The following ASB14 variants were observed in gnomAD, a reference collection of about 807,000 sequenced individuals.
The protein encoded by ASB14 is ankyrin repeat and SOCS box protein 14.
In ASB14, 63 loss-of-function variants were observed where a neutral mutation model predicts 55.6. The observed-to-expected ratio is 1.13, with a 90% CI of 0.92 to 1.40. The LOEUF is 1.40. Among genes scored for constraint, ASB14 ranks in the 40% most tolerant of loss-of-function variants. ASB14 has a pLI of 0.00. For missense variants in ASB14, 724 were observed against 710.4 expected (o/e 1.02, Z -0.22); for synonymous variants, 256 against 259.9 (o/e 0.98, Z 0.15).
chr3:57,283,477 AAG>A, intron 5 of ASB14, 38 bp from the exon 6 acceptor site: 1 of 1,535,698 alleles, frequency 6.5e-7, no homozygotes, highest in Admixed American at 2.0e-5. Flanking sequence ...GTTCAACGGG[AAG>A]TTAAGCCCAA....
At chr3:57,276,063 T>C (rs1220092671) in intron 10 of ASB14, among the ~76,000 whole-genome samples, 3 of 152,172 alleles carry the variant, frequency 2.0e-5, no homozygotes, top group Admixed American at 2.0e-4. Context: ...TACTGTATTA[T>C]ATATACTTCT....
chr3:57,291,737 A>G (rs1447854722), intron 2 of ASB14, among the ~76,000 whole-genome samples, 175 bp downstream of exon 2: 1 of 152,180 alleles, frequency 6.6e-6, no homozygotes, highest in Non-Finnish European at 1.5e-5. Flanking sequence ...TAAATTCTGA[A>G]TTATTTCCAG....
chr3:57,269,823 A>T (rs779803591), intron 10 of ASB14: 390 of 992,760 alleles, frequency 3.9e-4, no homozygotes, highest in Non-Finnish European at 5.2e-4. Context: ...GCTACATTTT[A>T]AAAAAAAGAT....
At chr3:57,278,118 T>G (rs1282642389) in intron 8 of ASB14, among the ~76,000 whole-genome samples, 198 bp from the exon 9 acceptor site, 1 of 152,180 alleles carries the variant, frequency 6.6e-6, no homozygotes, top group African/African-American at 2.4e-5. Context: ...AATAAATCAT[T>G]TAATCAGTTG....
intron 8 of ASB14, 139 bp downstream of exon 8, chr3:57,278,238 A>G (rs946075847): frequency 3.0e-6 from 2 of 659,302 alleles, no homozygotes; most frequent in Non-Finnish European, 5.0e-6. Flanking sequence ...TTTTATCATA[A>G]TTATTTTATC....
chr3:57,284,751 C>T (rs1436419070), intron 5 of ASB14, among the ~76,000 whole-genome samples: 1 of 152,138 alleles, frequency 6.6e-6, no homozygotes, highest in Non-Finnish European at 1.5e-5. Flanking sequence ...TTAGATCTGA[C>T]CCAGAGTTCT....
In ASB14 at chr3:57,292,019, G is replaced by T; in HGVS notation, c.15C>A (p.Thr5=). 1 of 1,533,130 alleles carries T rather than the reference G, an allele frequency of 6.5e-7. No individual in the cohort carries two copies. Among genetic ancestry groups the T allele is most frequent in the Non-Finnish European group, 8.7e-7 (1 of 1,143,456 alleles). The allele number at this position is 1,533,130 out of a possible 1,614,324, so 95.0% of individuals were successfully genotyped here. A position where few individuals can be genotyped will look rare whatever the true frequency, so the allele number is the denominator to read the frequency against. ...AGTCTTCATCTATGTCTTCATCGCT[G>T]GTGTAATTATCCATGTGAAACGTGG... The part of the protein sequence containing the change: MDNY[T]SDEDIDEDFD... Residue 5 remains threonine, a synonymous_variant, in exon 2 of 11, where the codon ACC becomes ACA. Coordinates refer to ENST00000487349, the MANE Select transcript of ASB14 (RefSeq NM_001142733.3).
In ASB14 at chr3:57,283,253, G is replaced by T. The variant is rs754381384; in HGVS notation, c.656C>A (p.Pro219His). 9 of 1,552,056 alleles carry T rather than the reference G, an allele frequency of 5.8e-6. No individual in the cohort carries two copies. Among genetic ancestry groups the T allele is most frequent in the Non-Finnish European group, 7.8e-6 (9 of 1,147,006 alleles). Residue 219 changes from proline (P) to histidine (H), a missense_variant, in exon 6 of 11, where the codon CCT (proline) becomes CAT (histidine). Transcript: ENST00000487349. The stretch of plus-strand genomic sequence containing the variant: ...TCCACTTTGGGCAGCAAGAGCAAGA[G>T]GAGTGAATCCATACGTGCTCTGTGG... ...PDPQSTYGFT[P>H]LALAAQSGHT... is the part of the protein sequence containing the mutation.
intron 7 of ASB14, 135 bp from the exon 8 acceptor site, chr3:57,279,055 G>C: frequency 1.3e-6 from 1 of 763,624 alleles, no homozygotes; most frequent in South Asian, 1.9e-5. Context: ...AAAAAAAAAA[G>C]CATAATTCCT....
chr3:57,280,557 C>A, intron 6 of ASB14, 84 bp from the exon 7 acceptor site: 1 of 1,278,676 alleles, frequency 7.8e-7, no homozygotes, highest in Non-Finnish European at 1.1e-6. Context: ...TCCCCATCAC[C>A]AAAAAGCAAT....
At chr3:57,278,300 T>A in intron 8 of ASB14, 77 bp downstream of exon 8, 1 of 1,155,204 alleles carries the variant, frequency 8.7e-7, no homozygotes, top group Non-Finnish European at 1.3e-6. Flanking sequence ...AGAGAGTGGA[T>A]GTAATCTATT....
chr3:57,282,035 A>G (rs1031158944), intron 6 of ASB14, among the ~76,000 whole-genome samples: 4 of 152,242 alleles, frequency 2.6e-5, no homozygotes, highest in African/African-American at 7.2e-5. Context: ...TATTTTAATC[A>G]ATGATCTATA....
At chr3:57,278,965 G>A in intron 7 of ASB14, 45 bp from the exon 8 acceptor site, 3 of 1,568,352 alleles carry the variant, frequency 1.9e-6, no homozygotes, top group Non-Finnish European at 2.6e-6. Context: ...TTTTTAAGAT[G>A]TAGCACTAAC....
Position 57,277,903 on chromosome 3 carries a change from A to G in ASB14, c.1449T>C (p.Thr483=). ...CAGAGAGATGTTGCAGCCATGACAA[A>G]GTTATTACTTCACAGAACTGAGGGA... is the stretch of plus-strand genomic sequence containing the variant. ...IKDTKFCEVI[T]LSWLQHLSGK... The change falls in exon 9 of 11, where the codon ACT becomes ACC. Residue 483 remains threonine, a synonymous_variant. Coordinates refer to ENST00000487349, the MANE Select transcript of ASB14 (RefSeq NM_001142733.3). The G allele has an allele frequency of 6.2e-7, 1 of 1,612,366 alleles. No homozygotes were observed. Among genetic ancestry groups the G allele is most frequent in the Non-Finnish European group, 8.5e-7 (1 of 1,179,476 alleles).
chr3:57,277,808 A>AGCACAGC lies in ASB14; in HGVS notation c.1537_1543dup (p.Leu515ArgfsTer81). 4 of 1,613,220 alleles carry AGCACAGC rather than the reference A, an allele frequency of 2.5e-6. No individual in the cohort carries two copies. Among genetic ancestry groups the AGCACAGC allele is most frequent in the Non-Finnish European group, 3.4e-6 (4 of 1,179,746 alleles). ...TTCTGACCAGATCCCCTGTTTTTGG[A>AGCACAGC]GCACAGCTTTCAACTTTGAACAGAT... On this transcript the variant is annotated frameshift_variant, in exon 9 of 11. Transcript: ENST00000487349. LOFTEE classifies it high-confidence loss of function.
Position 57,280,415 on chromosome 3 carries a change from A to G in ASB14, c.774T>C (p.Ser258=). The change falls in exon 7 of 11, where the codon AGT becomes AGC. Residue 258 remains serine, a synonymous_variant. Transcript: ENST00000487349. ...DSSSILLEAA[S]GGNPDAVALL... The stretch of plus-strand genomic sequence containing the variant: ...GAGCCACAGCATCTGGATTTCCTCC[A>G]CTTGCGGCTTCAAGTAAGATGGAAG... 1 of 1,551,534 alleles carries G rather than the reference A, an allele frequency of 6.4e-7. No individual in the cohort carries two copies.
chr3:57,268,500 A>T lies in ASB14; in HGVS notation c.*1141T>A. The T allele has an allele frequency of 6.3e-7, 1 of 1,580,372 alleles. No homozygotes were observed. Among genetic ancestry groups the T allele is most frequent in the South Asian group, 1.2e-5 (1 of 85,308 alleles). On this transcript the variant is annotated 3_prime_UTR_variant, in exon 11 of 11. Coordinates refer to ENST00000487349, the MANE Select transcript of ASB14 (RefSeq NM_001142733.3). ...ACAGATTGAAAAGGTATACAGTCCT[A>T]ATGTCTGGATCTTTATGTGTTGTTT... is the stretch of plus-strand genomic sequence containing the variant.
At chr3:57,278,019 A>G in intron 8 of ASB14, 99 bp from the exon 9 acceptor site, 3 of 1,115,800 alleles carry the variant, frequency 2.7e-6, no homozygotes, top group Non-Finnish European at 3.8e-6. Context: ...GATGAAAGCC[A>G]AGAGAGAAAA....
Position 57,268,695 on chromosome 3 carries a change from A to G in ASB14, c.*946T>C. ...TATAGTTACGTTGACATGTAATATG[A>G]CTGTTTCAAAAATATACCAGAACTT... On this transcript the variant is annotated 3_prime_UTR_variant, in exon 11 of 11. Coordinates refer to ENST00000487349, the MANE Select transcript of ASB14 (RefSeq NM_001142733.3). 2.8e-6 allele frequency: 1 copy of G among 361,414 alleles called. No individual in the cohort carries two copies. Among genetic ancestry groups the G allele is most frequent in the Admixed American group, 4.8e-5 (1 of 20,766 alleles). The allele number at this position is 361,414 out of a possible 1,614,324, so 22.4% of individuals were successfully genotyped here. A position where few individuals can be genotyped will look rare whatever the true frequency, so the allele number is the denominator to read the frequency against.
Sources: gnomAD v4.1 joint callset for allele counts (sites outside exome capture counted in the v4.1 genomes callset) on GRCh38, gnomAD v4.1.1 for gene constraint, MANE v1.5 for transcripts, NCBI Gene and HGNC (gene_info 2026-07-23, HGNC 2026-07-21) for gene names.